The following TET3 variants were observed in gnomAD, a reference collection of about 807,000 sequenced individuals.
TET3 encodes tet methylcytosine dioxygenase 3, also known as methylcytosine dioxygenase TET3.
Under a neutral mutation model 141.4 loss-of-function variants are expected in TET3, and 19 were observed. The observed-to-expected ratio is 0.13, with a 90% CI of 0.09 to 0.20. TET3 has a LOEUF of 0.20. Among genes scored for constraint, TET3 ranks in the 10% least tolerant of loss-of-function variants. The pLI is 1.00. For synonymous variants in TET3, 1,043 were observed against 980.9 expected (o/e 1.06, Z -1.18); for missense variants, 1,874 against 2,356.9 (o/e 0.80, Z 4.24).
In TET3 at chr2:74,089,767, A is replaced by G. The variant is rs1013853260; in HGVS notation, c.2889-130A>G. 5.7e-6 allele frequency: 7 copies of G among 1,229,414 alleles called. No individual in the cohort carries two copies. The African/African-American group carries it at 9.0e-5, about 16-fold the overall frequency. The allele number at this position is 1,229,414 out of a possible 1,614,324, so 76.2% of individuals were successfully genotyped here. A position where few individuals can be genotyped will look rare whatever the true frequency, so the allele number is the denominator to read the frequency against. ...TTGAGAAAGGGGTTGGGGGTGGGGA[A>G]GGATGAGTCTCAGTCACTGGGAGGC... On this transcript the variant is annotated intron_variant, in intron 7 of 11. Transcript: ENST00000409262.
At chr2:73,987,345 C>G (rs1684087923) in intron 2 of TET3, among the ~76,000 whole-genome samples, 1 of 152,176 alleles carries the variant, frequency 6.6e-6, no homozygotes, top group African/African-American at 2.4e-5. Context: ...GAATGGATGA[C>G]ATGCTTTTGA....
At chr2:74,052,581 G>C (rs575433822) in intron 4 of TET3, among the ~76,000 whole-genome samples, 1 of 151,128 alleles carries the variant, frequency 6.6e-6, no homozygotes, top group Non-Finnish European at 1.5e-5. Flanking sequence ...AAAAAATGGT[G>C]GGGGAGGGGC....
chr2:74,113,019 A>C (rs1267652485), downstream of TET3, among the ~76,000 whole-genome samples: 6 of 149,702 alleles, frequency 4.0e-5, no homozygotes, highest in Non-Finnish European at 8.9e-5. Context: ...AAAAAAAAAA[A>C]AAAAAAAAAA....
upstream of TET3, among the ~76,000 whole-genome samples, chr2:73,984,767 C>A (rs1368489339): frequency 6.7e-6 from 1 of 149,638 alleles, no homozygotes; most frequent in African/African-American, 2.4e-5. This position sits in a 1 kb window ranked among gnomAD's most constrained non-coding sequence, Gnocchi z 5.6. Flanking sequence ...CCCACCCGAC[C>A]CCTCCCCTCC....
chr2:74,062,694 C>G (rs1688660828), intron 4 of TET3, among the ~76,000 whole-genome samples: 1 of 151,944 alleles, frequency 6.6e-6, no homozygotes, highest in Non-Finnish European at 1.5e-5. Flanking sequence ...CAAGGAAGCA[C>G]TAAACATGGA....
chr2:74,013,771 C>T (rs1685591546), intron 3 of TET3, among the ~76,000 whole-genome samples: 1 of 152,056 alleles, frequency 6.6e-6, no homozygotes, highest in Admixed American at 6.5e-5. Flanking sequence ...GAGATCGCAC[C>T]ACTGCCCTCC....
chr2:74,014,526 A>T (rs1361875420), intron 3 of TET3, among the ~76,000 whole-genome samples: 1 of 152,090 alleles, frequency 6.6e-6, no homozygotes, highest in Admixed American at 6.5e-5. Context: ...GTAATAGCTT[A>T]CCAGCTTAGC....
intron 4 of TET3, among the ~76,000 whole-genome samples, chr2:74,050,879 C>A (rs113260889): frequency 7.2e-6 from 1 of 138,808 alleles, no homozygotes; most frequent in Admixed American, 7.3e-5. Context: ...AAAAAAAAAA[C>A]AACAATAAAA....
chr2:74,037,654 CA>C (rs1687140588), intron 3 of TET3, among the ~76,000 whole-genome samples: 1 of 152,124 alleles, frequency 6.6e-6, no homozygotes, highest in Non-Finnish European at 1.5e-5. Context: ...TCATTCTGGC[CA>C]AAAACACCTT....
downstream of TET3, among the ~76,000 whole-genome samples, chr2:74,112,653 G>A (rs1432573326): frequency 6.6e-6 from 1 of 152,120 alleles, no homozygotes; most frequent in African/African-American, 2.4e-5. Context: ...TGAGTGCTTT[G>A]CAAGAAATAC....
intron 3 of TET3, among the ~76,000 whole-genome samples, chr2:74,025,890 G>T (rs1238780763): frequency 6.6e-6 from 1 of 152,062 alleles, no homozygotes; most frequent in Non-Finnish European, 1.5e-5. Flanking sequence ...GATCACCTGA[G>T]GCCAGGAGTT....
chr2:74,059,872 C>T (rs1390968676), intron 4 of TET3, among the ~76,000 whole-genome samples: 1 of 152,182 alleles, frequency 6.6e-6, no homozygotes, highest in African/African-American at 2.4e-5. Flanking sequence ...GTCGTTCATT[C>T]TCATAGCTGT....
intron 2 of TET3, among the ~76,000 whole-genome samples, chr2:73,989,274 C>T (rs779205434): frequency 8.5e-5 from 13 of 152,058 alleles, no homozygotes; most frequent in South Asian, 8.3e-4. Flanking sequence ...TCAGGTGGGG[C>T]GGGACGCAGT....
chr2:74,113,035 A>AAAC (rs70965788), downstream of TET3, among the ~76,000 whole-genome samples: 16 of 147,430 alleles, frequency 1.1e-4, 1 homozygote, highest in South Asian at 8.4e-4. Flanking sequence ...AAAAAAAAAA[A>AAAC]CCCACAGTTA....
chr2:74,049,227 G>A (rs1687812545), intron 4 of TET3, among the ~76,000 whole-genome samples: 1 of 152,150 alleles, frequency 6.6e-6, no homozygotes, highest in African/African-American at 2.4e-5. Flanking sequence ...CTGATAACTC[G>A]GATTGGGAGG....
At chr2:73,992,519 C>T (rs1000069980) in intron 2 of TET3, among the ~76,000 whole-genome samples, 4 of 151,916 alleles carry the variant, frequency 2.6e-5, no homozygotes, top group African/African-American at 4.8e-5. Flanking sequence ...TCACCATGTT[C>T]GCCAGGCTGG....
chr2:74,125,545 C>T, the TET3 span, among the ~76,000 whole-genome samples: 2 of 152,190 alleles, frequency 1.3e-5, no homozygotes, highest in East Asian at 1.9e-4. Context: ...ATTCCATAAA[C>T]ATTTCTTCTT....
chr2:74,103,739 T>G lies in TET3; in HGVS notation c.*1563T>G, dbSNP rs1422058381. 2 of 153,562 alleles carry G rather than the reference T, an allele frequency of 1.3e-5. No individual in the cohort carries two copies. The highest frequency in any genetic ancestry group is 1.3e-4 in the Admixed American group (2 of 15,266). The allele number at this position is 153,562 out of a possible 1,614,324, so 9.5% of individuals were successfully genotyped here. A position where few individuals can be genotyped will look rare whatever the true frequency, so the allele number is the denominator to read the frequency against. On this transcript the variant is annotated 3_prime_UTR_variant, in exon 12 of 12. Coordinates refer to ENST00000409262, the MANE Select transcript of TET3 (RefSeq NM_001287491.2). The stretch of plus-strand genomic sequence containing the variant: ...AAGTCAAACTTTGTTGGAGTGTTGG[T>G]TTTTCTTGTGATATTAGCAGAAATG...
chr2:74,056,872 C>T (rs1374304762), intron 4 of TET3, among the ~76,000 whole-genome samples: 1 of 152,168 alleles, frequency 6.6e-6, no homozygotes, highest in Non-Finnish European at 1.5e-5. Flanking sequence ...TAAAGAATGA[C>T]ACACTGAGTA....
Sources: gnomAD v4.1 joint callset for allele counts (sites outside exome capture counted in the v4.1 genomes callset) on GRCh38, gnomAD v4.1.1 for gene constraint, Gnocchi (gnomAD v3.1) non-coding constraint, MANE v1.5 for transcripts, NCBI Gene and HGNC (gene_info 2026-07-23, HGNC 2026-07-21) for gene names.